Variants in DHRSX observed in about 807,000 individuals in gnomAD.
DHRSX encodes the protein dehydrogenase/reductase X-linked, also known as polyprenol dehydrogenase.
In DHRSX, 31 loss-of-function variants were observed where a neutral mutation model predicts 34.0. That is an observed-to-expected ratio of 0.91 (90% confidence interval 0.69 to 1.23). The LOEUF (loss-of-function observed/expected upper bound fraction) is 1.23, where lower values mean the gene tolerates loss of function less well. Among genes scored for constraint, DHRSX ranks in the 50% most tolerant of loss-of-function variants. The probability of loss-of-function intolerance (pLI) is 0.00; values close to 1 mark genes in which losing one functional copy is unlikely to be tolerated. For synonymous variants in DHRSX, 201 were observed against 183.8 expected, an observed-to-expected ratio of 1.09 and a Z score of -0.76; for missense variants, 414 against 428.1, an observed-to-expected ratio of 0.97 and a Z score of 0.29.
At chrX:2,449,110 A>G (rs1177580120) in intron 1 of DHRSX, among the ~76,000 whole-genome samples, 1 of 151,606 alleles carries the variant, frequency 6.6e-6, no homozygotes, top group Non-Finnish European at 1.5e-5. Flanking sequence ...AATGGCTTGA[A>G]CCCAGGAGGT....
chrX:2,255,843 G>C (rs2041269604), intron 5 of DHRSX, among the ~76,000 whole-genome samples: 1 of 151,902 alleles, frequency 6.6e-6, no homozygotes. Context: ...GAACCCACGA[G>C]GCAGAGGTTG....
At chrX:2,373,476 C>T (rs990059768) in intron 3 of DHRSX, among the ~76,000 whole-genome samples, 2 of 152,126 alleles carry the variant, frequency 1.3e-5, no homozygotes, top group African/African-American at 4.8e-5. Context: ...TCCATTCTCC[C>T]CACGCCAGAA....
chrX:2,382,625 CAT>C (rs1428031692), intron 3 of DHRSX, among the ~76,000 whole-genome samples: 7,869 of 128,572 alleles, frequency 0.061, 411 homozygotes, highest in African/African-American at 0.18. Flanking sequence ...TCACCACCAT[CAT>C]CACCATCATC....
intron 3 of DHRSX, among the ~76,000 whole-genome samples, chrX:2,389,988 C>A (rs2043316064): frequency 6.6e-6 from 1 of 151,948 alleles, no homozygotes; most frequent in South Asian, 2.1e-4. Flanking sequence ...GCCATGTCGG[C>A]CACGGTGGTC....
intron 1 of DHRSX, among the ~76,000 whole-genome samples, chrX:2,472,233 A>C (rs2044604244): frequency 6.6e-6 from 1 of 152,092 alleles, no homozygotes. Context: ...ACAGGAACAG[A>C]AAACCAAATA....
chrX:2,291,353 G>T (rs1423904439), intron 4 of DHRSX, 149 bp downstream of exon 4: 4 of 674,672 alleles, frequency 5.9e-6, no homozygotes, highest in Non-Finnish European at 1.1e-5. Context: ...AGCTATCCGT[G>T]AAATGAAGCA....
chrX:2,443,314 C>G (rs747797899), intron 1 of DHRSX, among the ~76,000 whole-genome samples: 1 of 152,098 alleles, frequency 6.6e-6, no homozygotes, highest in African/African-American at 2.4e-5. Context: ...ATTACAGGCA[C>G]CAGCCACCGT....
chrX:2,387,467 T>C lies in DHRSX; in HGVS notation c.286+21278A>G, dbSNP rs182245164. 3.4e-3 allele frequency among the ~76,000 whole-genome samples: 512 copies of C among 152,266 alleles called. 1 individual carries two copies. Among genetic ancestry groups the C allele is most frequent in the Middle Eastern group, 0.027 (8 of 294 alleles). On this transcript the variant is annotated intron_variant, in intron 3 of 6. Transcript: ENST00000334651. ...AGCCCAAGTCCCAAAGCTGAAGAACTTGGAGTCCAGTTTTCCAGGGCAGGA... is the reference window on the plus strand; with the variant it reads ...AGCCCAAGTCCCAAAGCTGAAGAACCTGGAGTCCAGTTTTCCAGGGCAGGA...
intron 3 of DHRSX, among the ~76,000 whole-genome samples, chrX:2,317,030 T>C (rs977215979): frequency 6.6e-5 from 10 of 152,146 alleles, no homozygotes; most frequent in Non-Finnish European, 8.8e-5. Context: ...CCATCTCGGC[T>C]CACTGCACCC....
chrX:2,371,737 CAGCCCCTCCTCCTCCCATTACAGT>C (rs2043075171), intron 3 of DHRSX, among the ~76,000 whole-genome samples: 1 of 113,906 alleles, frequency 8.8e-6, no homozygotes, highest in Non-Finnish European at 2.2e-5. Context: ...CCCATTATCA[CAGCCCCTCCTCCTCCCATTACAGT>C]AGTCCCTCCT....
intron 3 of DHRSX, among the ~76,000 whole-genome samples, chrX:2,297,854 A>C (rs1175933604): frequency 3.3e-5 from 5 of 151,568 alleles, no homozygotes; most frequent in Non-Finnish European, 7.4e-5. Context: ...TCCCGAGTTC[A>C]AGTGATCCTC....
intron 2 of DHRSX, among the ~76,000 whole-genome samples, chrX:2,412,587 A>G (rs1170708097): frequency 6.6e-6 from 1 of 152,006 alleles, no homozygotes; most frequent in Admixed American, 6.6e-5. Flanking sequence ...TCCTCTGTAT[A>G]GATCCAAAGG....
intron 1 of DHRSX, among the ~76,000 whole-genome samples, chrX:2,469,168 C>T (rs1438436422): frequency 6.6e-6 from 1 of 152,022 alleles, no homozygotes; most frequent in African/African-American, 2.4e-5. Flanking sequence ...ACACCGAAGA[C>T]GTTCCCTAAG....
chrX:2,456,479 T>C (rs1325104587), intron 1 of DHRSX, among the ~76,000 whole-genome samples: 2 of 151,854 alleles, frequency 1.3e-5, no homozygotes, highest in African/African-American at 4.8e-5. Context: ...CCATGTGTGG[T>C]GGCAGGTGCC....
rs184370669 is a variant in DHRSX, at chrX:2,309,318, G to T, written c.287-17715C>A. 3.0e-4 allele frequency among the ~76,000 whole-genome samples: 45 copies of T among 152,186 alleles called. 1 individual carries two copies. The highest frequency in any genetic ancestry group is 1.0e-3 in the African/African-American group (42 of 41,536). ...TGGTTTGTTTTGTGAAATTTATGCT[G>T]TTCTGATAGAAATTCTGAAAAAAGC... On this transcript the variant is annotated intron_variant, in intron 3 of 6. Transcript: ENST00000334651.
intron 3 of DHRSX, among the ~76,000 whole-genome samples, chrX:2,330,124 C>T (rs866995550): frequency 1.6e-5 from 1 of 62,504 alleles, no homozygotes; most frequent in Non-Finnish European, 3.0e-5. Flanking sequence ...GAGAGAGAGA[C>T]AGAGAGAAAG....
intron 3 of DHRSX, among the ~76,000 whole-genome samples, chrX:2,310,117 C>A (rs1238739467): frequency 6.6e-6 from 1 of 152,056 alleles, no homozygotes; most frequent in Non-Finnish European, 1.5e-5. Context: ...CTCCGGGATC[C>A]AGGCAGCCAG....
At chrX:2,399,642 G>A (rs146381679) in intron 3 of DHRSX, among the ~76,000 whole-genome samples, 3,955 of 150,354 alleles carry the variant, frequency 0.026, 103 homozygotes, top group South Asian at 0.07. Context: ...GGAGTCAGAG[G>A]TTGCAGTGAG....
chrX:2,335,447 T>G (rs1056969647), intron 3 of DHRSX, among the ~76,000 whole-genome samples: 11 of 128,808 alleles, frequency 8.5e-5, no homozygotes, highest in South Asian at 2.2e-4. Flanking sequence ...ATTATTTTTT[T>G]GGGGTGTGTG....
Sources: allele counts gnomAD v4.1 joint callset (sites outside exome capture counted in the v4.1 genomes callset), GRCh38; gene constraint gnomAD v4.1.1; transcripts MANE v1.5; gene names NCBI Gene and HGNC (gene_info 2026-07-23, HGNC 2026-07-21).